PHF14: variants seen among roughly 807,000 people sequenced by gnomAD.
PHF14 encodes the protein PHD finger protein 14.
Under a neutral mutation model 117.9 loss-of-function variants are expected in PHF14, and 55 were observed. The ratio of observed to expected loss-of-function variants is 0.47; its 90% CI spans 0.38 to 0.58. The LOEUF (loss-of-function observed/expected upper bound fraction) is 0.58. PHF14 is among the 20% of genes least tolerant of loss of function. The pLI is 0.00. For synonymous variants in PHF14, 409 were observed against 368.6 expected, an observed-to-expected ratio of 1.11 and a Z score of -1.26; for missense variants, 978 against 1,122.2, an observed-to-expected ratio of 0.87 and a Z score of 1.84.
At chr7:10,997,017 C>T (rs148236683) in intron 4 of PHF14, among the ~76,000 whole-genome samples, 66 of 152,268 alleles carry the variant, frequency 4.3e-4, no homozygotes, top group Middle Eastern at 6.8e-3. Context: ...TTCTAAGTGT[C>T]GCATATATGT....
At chr7:11,060,082 G>T (rs779428598) in intron 14 of PHF14, among the ~76,000 whole-genome samples, 1 of 151,940 alleles carries the variant, frequency 6.6e-6, no homozygotes, top group Non-Finnish European at 1.5e-5. Flanking sequence ...TCTCTGTGTT[G>T]CCCAGGCTGG....
chr7:11,127,579 C>T (rs1486624064), intron 17 of PHF14, among the ~76,000 whole-genome samples: 1 of 152,094 alleles, frequency 6.6e-6, no homozygotes, highest in East Asian at 1.9e-4. Flanking sequence ...AGTCCTTGTC[C>T]TCCAAACTCC....
intron 17 of PHF14, among the ~76,000 whole-genome samples, chr7:11,144,654 CTG>C (rs1302161335): frequency 6.7e-6 from 1 of 150,048 alleles, no homozygotes; most frequent in African/African-American, 2.4e-5. Flanking sequence ...TTTTATATCA[CTG>C]TAGGTTGACT....
chr7:11,015,607 T>G (rs1783507589), intron 5 of PHF14, among the ~76,000 whole-genome samples: 1 of 152,050 alleles, frequency 6.6e-6, no homozygotes, highest in South Asian at 2.1e-4. Context: ...AGGCAAGTGA[T>G]GTAACCTTTT....
At position 11,038,846 on chromosome 7, in the gene PHF14, C is replaced by T; in HGVS notation, c.2067C>T (p.Ile689=). Residue 689 remains isoleucine, a synonymous_variant, in exon 11 of 18, where the codon ATC becomes ATT. Transcript: ENST00000634607. ...GQGIWALLGR[I]TGQKLNIPAI... is the part of the protein sequence containing the mutation. ...GAATATGGGCTTTACTAGGCAGAAT[C>T]ACAGGGCAGGTTAGTTTCTTTCCAA... 1 of 1,537,200 alleles carries T rather than the reference C, an allele frequency of 6.5e-7. No individual in the cohort carries two copies. Among genetic ancestry groups the T allele is most frequent in the South Asian group, 1.2e-5 (1 of 82,776 alleles).
chr7:11,162,497 C>G (rs972110256), intron 17 of PHF14, among the ~76,000 whole-genome samples: 3 of 152,020 alleles, frequency 2.0e-5, no homozygotes, highest in African/African-American at 4.8e-5. Flanking sequence ...AGAGTCTACC[C>G]TAACTCATAC....
chr7:11,053,019 C>T (rs1251517526), intron 14 of PHF14, among the ~76,000 whole-genome samples: 3 of 152,062 alleles, frequency 2.0e-5, no homozygotes, highest in African/African-American at 7.2e-5. Context: ...ATTCTTAGGG[C>T]ATACTTTCCT....
At chr7:11,054,498 G>A (rs1045788359) in intron 14 of PHF14, among the ~76,000 whole-genome samples, 6 of 152,066 alleles carry the variant, frequency 3.9e-5, no homozygotes, top group Non-Finnish European at 8.8e-5. Context: ...AGAAGGGAGT[G>A]ATCAGTCATT....
chr7:11,095,788 A>C (rs1327950856), intron 16 of PHF14, among the ~76,000 whole-genome samples: 1 of 152,200 alleles, frequency 6.6e-6, no homozygotes, highest in African/African-American at 2.4e-5. Context: ...AGTATCAAGC[A>C]TCATCACGGA....
chr7:11,064,904 G>C (rs1193130390), intron 16 of PHF14, among the ~76,000 whole-genome samples: 1 of 151,882 alleles, frequency 6.6e-6, no homozygotes, highest in Non-Finnish European at 1.5e-5. Context: ...GTGATAGTAA[G>C]GTTCTTTCCA....
intron 17 of PHF14, among the ~76,000 whole-genome samples, chr7:11,138,198 A>T (rs1216162993): frequency 6.6e-6 from 1 of 151,816 alleles, no homozygotes; most frequent in Non-Finnish European, 1.5e-5. Context: ...TCGCCACCAC[A>T]CCTGGCTAAT....
At chr7:11,102,336 G>A (rs1241143210) in intron 16 of PHF14, 5 of 688,934 alleles carry the variant, frequency 7.3e-6, no homozygotes, top group Admixed American at 2.6e-5. Context: ...ACAAGATCAT[G>A]GCATTTAGGT....
intron 5 of PHF14, among the ~76,000 whole-genome samples, chr7:11,022,068 G>C (rs1018260676): frequency 2.6e-5 from 4 of 151,984 alleles, no homozygotes; most frequent in African/African-American, 7.2e-5. Flanking sequence ...TTTGTTGTAA[G>C]CAAGCAGAAA....
At chr7:11,004,264 AAAAAAGAAAAG>A in intron 4 of PHF14, among the ~76,000 whole-genome samples, 15 of 149,938 alleles carry the variant, frequency 1.0e-4, no homozygotes, top group Admixed American at 2.7e-4. Context: ...AAAAAAAAAA[AAAAAAGAAAAG>A]AAAAAGAAAA....
intron 17 of PHF14, among the ~76,000 whole-genome samples, chr7:11,162,790 A>T (rs887423958): frequency 6.8e-5 from 10 of 147,006 alleles, no homozygotes; most frequent in African/African-American, 2.5e-4. Flanking sequence ...GGTTCAAGTG[A>T]TTCTCCTGCC....
chr7:10,979,143 G>A (rs1244755272), intron 2 of PHF14, among the ~76,000 whole-genome samples: 3 of 152,052 alleles, frequency 2.0e-5, no homozygotes, highest in East Asian at 1.9e-4. Context: ...GTTATGGGGA[G>A]AACATTGGAT....
intron 2 of PHF14, among the ~76,000 whole-genome samples, chr7:10,977,358 G>C (rs1256841970): frequency 1.3e-5 from 2 of 152,062 alleles, no homozygotes; most frequent in African/African-American, 4.8e-5. Context: ...AGATTCGTTG[G>C]CCTTAATTTT....
At chr7:11,127,414 C>T (rs762337936) in intron 17 of PHF14, among the ~76,000 whole-genome samples, 1 of 152,074 alleles carries the variant, frequency 6.6e-6, no homozygotes, top group Non-Finnish European at 1.5e-5. Flanking sequence ...TGGCTAGATT[C>T]CTTTCTAGAG....
Position 11,118,474 on chromosome 7 carries a change from A to C in PHF14, c.2772+7007A>C, listed in dbSNP as rs749961103. 2.2e-4 allele frequency among the ~76,000 whole-genome samples: 34 copies of C among 151,812 alleles called. 1 individual carries two copies. Among genetic ancestry groups the C allele is most frequent in the South Asian group, 8.3e-4 (4 of 4,822 alleles). ...TGAGTGCTGTACTTTGGGACTATTA[A>C]TAATTATTTGCTTAACAATCCCACT... On this transcript the variant is annotated intron_variant, in intron 17 of 17. Coordinates refer to ENST00000634607, the MANE Select transcript of PHF14 (RefSeq NM_001007157.2).
Sources: allele counts gnomAD v4.1 joint callset (sites outside exome capture counted in the v4.1 genomes callset), GRCh38; gene constraint gnomAD v4.1.1; transcripts MANE v1.5; gene names NCBI Gene and HGNC (gene_info 2026-07-23, HGNC 2026-07-21).